The following EIF4E variants were observed in gnomAD, a reference collection of about 807,000 sequenced individuals.
EIF4E encodes eukaryotic translation initiation factor 4E.
For missense variants in EIF4E, 113 were observed against 265.6 expected, an observed-to-expected ratio of 0.43 and a Z score of 3.99; for synonymous variants, 71 against 88.5, an observed-to-expected ratio of 0.80 and a Z score of 1.11.
At chr4:98,898,026 A>G (rs940631286) in intron 2 of EIF4E, among the ~76,000 whole-genome samples, 1 of 152,196 alleles carries the variant, frequency 6.6e-6, no homozygotes, top group Non-Finnish European at 1.5e-5. Flanking sequence ...AACAAAGTAG[A>G]AAAAAATTCT....
intron 1 of EIF4E, among the ~76,000 whole-genome samples, chr4:98,922,800 T>A (rs1229060850): frequency 5.9e-5 from 9 of 151,972 alleles, no homozygotes; most frequent in Non-Finnish European, 1.2e-4. Flanking sequence ...TCCACAAAAA[T>A]TTACTGAATA....
chr4:98,920,119 G>T (rs1725580223), intron 1 of EIF4E, among the ~76,000 whole-genome samples: 1 of 152,110 alleles, frequency 6.6e-6, no homozygotes, highest in Non-Finnish European at 1.5e-5. Flanking sequence ...AATTTGGAAA[G>T]GGGAATGAGG....
chr4:98,911,533 C>T (rs184359115), intron 1 of EIF4E, among the ~76,000 whole-genome samples: 13 of 150,094 alleles, frequency 8.7e-5, no homozygotes, highest in Middle Eastern at 3.4e-3. Context: ...GTGGCACATA[C>T]GCCTGTAATC....
Position 98,918,918 on chromosome 4 carries a change from C to T in EIF4E, c.18+10177G>A, listed in dbSNP as rs538006146. On this transcript the variant is annotated intron_variant, in intron 1 of 6. Transcript: ENST00000450253. ...ATGCTGGTTGCCTCTAGGTCATCTGCCTGGATAGGGATCAGCTTCAGGAGA... is the reference window on the plus strand; with the variant it reads ...ATGCTGGTTGCCTCTAGGTCATCTGTCTGGATAGGGATCAGCTTCAGGAGA... 8.5e-5 allele frequency among the ~76,000 whole-genome samples: 13 copies of T among 152,242 alleles called. No homozygotes were observed. The East Asian group carries it at 1.2e-3, about 14-fold the overall frequency.
intron 1 of EIF4E, among the ~76,000 whole-genome samples, chr4:98,911,215 A>C (rs941081185): frequency 6.6e-6 from 1 of 150,960 alleles, no homozygotes; most frequent in Non-Finnish European, 1.5e-5. Flanking sequence ...CGCCCGGCTA[A>C]TTTTTGTATT....
chr4:98,896,466 T>C (rs138135421), intron 2 of EIF4E, among the ~76,000 whole-genome samples: 13 of 103,126 alleles, frequency 1.3e-4, no homozygotes, highest in African/African-American at 2.0e-4. Flanking sequence ...CTGAGCAACA[T>C]AGCAAGACCC....
chr4:98,928,058 G>T lies in EIF4E; in HGVS notation c.18+1037C>A, dbSNP rs773221485. On this transcript the variant is annotated intron_variant, in intron 1 of 6. Transcript: ENST00000450253. Reference sequence around the variant, plus strand: ...ATAAAGAGAAAAAAAAAGTCAAATGGAAAAGTAAATTTAAAAGTTTCTATT... The same window carrying T: ...ATAAAGAGAAAAAAAAAGTCAAATGTAAAAGTAAATTTAAAAGTTTCTATT... Among the ~76,000 whole-genome samples the T allele has an allele frequency of 1.6e-3, 249 of 152,312 alleles. 2 individuals carry two copies. The highest frequency in any genetic ancestry group is 2.5e-3 in the Admixed American group (39 of 15,302).
chr4:98,927,812 T>G (rs1015971486), intron 1 of EIF4E, among the ~76,000 whole-genome samples: 1 of 152,144 alleles, frequency 6.6e-6, no homozygotes, highest in African/African-American at 2.4e-5. Context: ...GTTTTCTGAT[T>G]GCTAATAAAC....
At chr4:98,884,038 CAAA>C (rs11438126) in intron 6 of EIF4E, among the ~76,000 whole-genome samples, 2 of 102,914 alleles carry the variant, frequency 1.9e-5, no homozygotes, top group African/African-American at 7.6e-5. Flanking sequence ...GACCCTGTCT[CAAA>C]AAAAAAAAAA....
In EIF4E at chr4:98,910,311, G is replaced by A. The variant is rs192874040; in HGVS notation, c.19-8329C>T. Among the ~76,000 whole-genome samples, 938 of 151,946 alleles carry A rather than the reference G, an allele frequency of 6.2e-3. 8 individuals are homozygous for A. Among genetic ancestry groups the A allele is most frequent in the African/African-American group, 0.022 (891 of 41,406 alleles). On this transcript the variant is annotated intron_variant, in intron 1 of 6. Coordinates refer to ENST00000450253, the MANE Select transcript of EIF4E (RefSeq NM_001968.5). ...TCAACATTAAAACACTGCTCACATG[G>A]AAAAAATTTTTTCATGTAAAAGTCC...
intron 2 of EIF4E, among the ~76,000 whole-genome samples, chr4:98,896,528 G>A (rs1212921397): frequency 6.8e-6 from 1 of 147,630 alleles, no homozygotes; most frequent in Non-Finnish European, 1.5e-5. Flanking sequence ...GCTAGCCATG[G>A]TGGTGCACAC....
intron 1 of EIF4E, among the ~76,000 whole-genome samples, chr4:98,904,955 T>A (rs917398388): frequency 1.3e-5 from 2 of 152,190 alleles, no homozygotes; most frequent in South Asian, 4.1e-4. Context: ...AAAATTTTTA[T>A]TGGGCATAGA....
chr4:98,887,985 G>T lies in EIF4E; in HGVS notation c.222-33C>A. ...AAAGAAAATAACAATTAAAAACACA[G>T]AATATGTAATATAGAGTTTAGGTGC... On this transcript the variant is annotated intron_variant, in intron 3 of 6. Coordinates refer to ENST00000450253, the MANE Select transcript of EIF4E (RefSeq NM_001968.5). The surrounding 1 kb of genome is among the most constrained non-coding windows in gnomAD (Gnocchi z 4.0). 6.4e-7 allele frequency: 1 copy of T among 1,558,992 alleles called. No homozygotes were observed. Among genetic ancestry groups the T allele is most frequent in the South Asian group, 1.1e-5 (1 of 89,184 alleles).
chr4:98,929,036 G>C, intron 1 of EIF4E, 59 bp downstream of exon 1: 1 of 1,571,446 alleles, frequency 6.4e-7, no homozygotes, highest in Admixed American at 1.8e-5. Context: ...GAGTCCCCCA[G>C]TCAGAAGGAA....
intron 5 of EIF4E, chr4:98,886,691 G>A (rs1384973363): frequency 2.6e-5 from 9 of 339,780 alleles, no homozygotes; most frequent in Non-Finnish European, 4.6e-5. Flanking sequence ...ACTCCAGCCT[G>A]GGCAACAGAG....
intron 2 of EIF4E, among the ~76,000 whole-genome samples, chr4:98,896,368 T>C (rs1724391724): frequency 6.7e-6 from 1 of 148,996 alleles, no homozygotes; most frequent in Non-Finnish European, 1.5e-5. Context: ...CAAGACCCTG[T>C]CAAGGAATGG....
chr4:98,913,113 CAGG>C (rs1725224818), intron 1 of EIF4E, among the ~76,000 whole-genome samples: 2 of 151,678 alleles, frequency 1.3e-5, no homozygotes, highest in Non-Finnish European at 2.9e-5. Context: ...GAGGCTGAGG[CAGG>C]AGAATTGCTT....
chr4:98,921,309 A>C (rs1186709591), intron 1 of EIF4E, among the ~76,000 whole-genome samples: 2 of 152,180 alleles, frequency 1.3e-5, no homozygotes, highest in Admixed American at 1.3e-4. Context: ...ACTGCCCCAT[A>C]AGAAGTTTCA....
At chr4:98,895,764 T>C (rs1207676129) in intron 2 of EIF4E, among the ~76,000 whole-genome samples, 1 of 152,156 alleles carries the variant, frequency 6.6e-6, no homozygotes. Flanking sequence ...CATAAAGATC[T>C]ATGGGGCCAG....
Sources: allele counts gnomAD v4.1 joint callset (sites outside exome capture counted in the v4.1 genomes callset), GRCh38; gene constraint gnomAD v4.1.1; non-coding constraint Gnocchi (gnomAD v3.1); transcripts MANE v1.5; gene names NCBI Gene and HGNC (gene_info 2026-07-23, HGNC 2026-07-21).